The following NFIX variants were observed in gnomAD, a reference collection of about 807,000 sequenced individuals.
The protein encoded by NFIX is nuclear factor 1 X-type.
A neutral mutation model predicts 53.3 loss-of-function variants in NFIX; 2 were observed. The observed-to-expected ratio is 0.04, with a 90% CI of 0.02 to 0.12. NFIX has a LOEUF of 0.12. Ranked by LOEUF, NFIX falls within the 10% of genes least tolerant of loss-of-function variation. The probability of loss-of-function intolerance (pLI) is 1.00; values close to 1 mark genes in which losing one functional copy is unlikely to be tolerated. For missense variants in NFIX, 310 were observed against 674.5 expected, an observed-to-expected ratio of 0.46 and a Z score of 5.99; for synonymous variants, 244 against 289.0, an observed-to-expected ratio of 0.84 and a Z score of 1.58.
In NFIX at chr19:13,072,462, G is replaced by A. The variant is rs1474422634; in HGVS notation, c.560-585G>A. Among the ~76,000 whole-genome samples, 1 of 152,248 alleles carries A rather than the reference G, an allele frequency of 6.6e-6. No homozygotes were observed. Among genetic ancestry groups the A allele is most frequent in the Non-Finnish European group, 1.5e-5 (1 of 68,052 alleles). ...GCACTGCCTCTGAGCATAAAGGTGA[G>A]GTGGGGGAGGCGCAGGCAGACAGGA... is the stretch of plus-strand genomic sequence containing the variant. On this transcript the variant is annotated intron_variant, in intron 2 of 10. Coordinates refer to ENST00000592199, the MANE Select transcript of NFIX (RefSeq NM_001365902.3). The surrounding 1 kb of genome is among the most constrained non-coding windows in gnomAD (Gnocchi z 4.0).
chr19:13,001,746 C>A lies in NFIX; in HGVS notation c.27+5882C>A, dbSNP rs2011710253. Among the ~76,000 whole-genome samples, 2 of 152,200 alleles carry A rather than the reference C, an allele frequency of 1.3e-5. No individual in the cohort carries two copies. The highest frequency in any genetic ancestry group is 1.3e-4 in the Admixed American group (2 of 15,278). On this transcript the variant is annotated intron_variant, in intron 1 of 10. Transcript: ENST00000592199. The surrounding 1 kb of genome is among the most constrained non-coding windows in gnomAD (Gnocchi z 6.5). Reference sequence around the variant, plus strand: ...CGTGACAATCACTGTGGGTCTCACCCCACGGGCGCCTCTCCTGGGCATTCC... The same window carrying A: ...CGTGACAATCACTGTGGGTCTCACCACACGGGCGCCTCTCCTGGGCATTCC...
chr19:13,024,803 G>T, intron 1 of NFIX: 2 of 1,427,890 alleles, frequency 1.4e-6, no homozygotes, highest in Non-Finnish European at 1.9e-6. Flanking sequence ...GCTGAGATGG[G>T]AGCAAGTGGC....
At chr19:13,058,706 A>G (rs1481154943) in intron 2 of NFIX, among the ~76,000 whole-genome samples, 1 of 151,974 alleles carries the variant, frequency 6.6e-6, no homozygotes, top group Non-Finnish European at 1.5e-5. Flanking sequence ...AAAGCAAAAA[A>G]GAAACAGAAA....
rs560880859 is a variant in NFIX, at chr19:13,044,681, C to T, written c.559+19129C>T. Among the ~76,000 whole-genome samples the T allele has an allele frequency of 1.9e-4, 29 of 152,238 alleles. 1 individual carries two copies. In the South Asian group the frequency reaches 3.7e-3, roughly 20 times the overall value. ...CTTGTGAGAAGTGTCAGGCCTTTCC[C>T]GTTCGCTCAGCAGCTGAGCAGTTCC... On this transcript the variant is annotated intron_variant, in intron 2 of 10. Transcript: ENST00000592199.
Position 13,051,983 on chromosome 19 carries a change from G to A in NFIX, c.560-21064G>A, listed in dbSNP as rs2015358295. Among the ~76,000 whole-genome samples the A allele has an allele frequency of 6.6e-6, 1 of 152,110 alleles. No individual in the cohort carries two copies. Among genetic ancestry groups the A allele is most frequent in the South Asian group, 2.1e-4 (1 of 4,828 alleles). On this transcript the variant is annotated intron_variant, in intron 2 of 10. Transcript: ENST00000592199. This position sits in a 1 kb window ranked among gnomAD's most constrained non-coding sequence, Gnocchi z 5.1. ...TCCAGGTTTCTCCACTTCCTTTGCAGACCTCCCTCCTGCCGATTACCCACT... is the reference window on the plus strand; with the variant it reads ...TCCAGGTTTCTCCACTTCCTTTGCAAACCTCCCTCCTGCCGATTACCCACT...
intron 1 of NFIX, among the ~76,000 whole-genome samples, chr19:12,997,476 C>A (rs1265898851): frequency 6.6e-6 from 1 of 152,240 alleles, no homozygotes; most frequent in East Asian, 1.9e-4. Flanking sequence ...ACCCTGAGCA[C>A]CATGGCAGTG....
At chr19:13,007,798 C>T (rs1034111556) in intron 1 of NFIX, among the ~76,000 whole-genome samples, 1 of 152,012 alleles carries the variant, frequency 6.6e-6, no homozygotes, top group African/African-American at 2.4e-5. Context: ...GGCCTGGCCT[C>T]AACCCAAGGC....
At chr19:13,054,896 T>C (rs530489976) in intron 2 of NFIX, among the ~76,000 whole-genome samples, 66 of 152,284 alleles carry the variant, frequency 4.3e-4, no homozygotes, top group African/African-American at 1.6e-3. Flanking sequence ...ACAGTCCTAA[T>C]GAAGTCCTAG....
In NFIX at chr19:13,067,577, T is replaced by G. The variant is rs992599728; in HGVS notation, c.560-5470T>G. On this transcript the variant is annotated intron_variant, in intron 2 of 10. Transcript: ENST00000592199. The surrounding 1 kb of genome is among the most constrained non-coding windows in gnomAD (Gnocchi z 4.2). Reference sequence around the variant, plus strand: ...ATGCACATACCTGGGTATGCATATGTGGGTTCAGCTAAGGCCAAATCTGTG... The same window carrying G: ...ATGCACATACCTGGGTATGCATATGGGGGTTCAGCTAAGGCCAAATCTGTG... Among the ~76,000 whole-genome samples the G allele has an allele frequency of 1.3e-5, 2 of 152,134 alleles. No homozygotes were observed. Among genetic ancestry groups the G allele is most frequent in the Admixed American group, 6.5e-5 (1 of 15,268 alleles).
Position 13,078,826 on chromosome 19 carries a change from C to A in NFIX, c.1078+91C>A. 1 of 1,400,502 alleles carries A rather than the reference C, an allele frequency of 7.1e-7. No individual in the cohort carries two copies. Among genetic ancestry groups the A allele is most frequent in the South Asian group, 1.4e-5 (1 of 72,928 alleles). 86.8% of individuals were successfully genotyped at this position (1,400,502 alleles called of 1,614,324 possible). ...CCAGGTGAAGGGGCCAGAGCTGACC[C>A]CGAGTGACAGCCCCACGCTCTCCAA... On this transcript the variant is annotated intron_variant, in intron 7 of 10. Coordinates refer to ENST00000592199, the MANE Select transcript of NFIX (RefSeq NM_001365902.3). The surrounding 1 kb of genome is among the most constrained non-coding windows in gnomAD (Gnocchi z 4.7).
intron 2 of NFIX, chr19:13,071,071 G>A (rs1297969804): frequency 6.6e-6 from 1 of 152,412 alleles, no homozygotes; most frequent in Non-Finnish European, 1.5e-5. Context: ...TCCAGCTCTG[G>A]AGGGCTTGGT....
intron 1 of NFIX, among the ~76,000 whole-genome samples, chr19:13,010,020 C>T (rs1441638446): frequency 6.6e-6 from 1 of 152,186 alleles, no homozygotes; most frequent in Non-Finnish European, 1.5e-5. Context: ...AGGCAGGCCC[C>T]GCCTCCACCG....
Position 13,097,216 on chromosome 19 carries a change from G to T in NFIX, c.*2567G>T, listed in dbSNP as rs1460223615. 1 of 144,416 alleles carries T rather than the reference G, an allele frequency of 6.9e-6. No individual in the cohort carries two copies. The highest frequency in any genetic ancestry group is 2.0e-4 in the East Asian group (1 of 5,008). The allele number at this position is 144,416 out of a possible 1,614,324, so 8.9% of individuals were successfully genotyped here. On this transcript the variant is annotated 3_prime_UTR_variant, in exon 11 of 11. Transcript: ENST00000592199. Reference sequence around the variant, plus strand: ...TTTTTTTTTTAAGTCGTTTTCCTGCGTTGACGAGGATGATCTGGGGTTTTT... The same window carrying T: ...TTTTTTTTTTAAGTCGTTTTCCTGCTTTGACGAGGATGATCTGGGGTTTTT...
chr19:13,048,950 GCCT>G (rs2015157640), intron 2 of NFIX, among the ~76,000 whole-genome samples: 1 of 152,132 alleles, frequency 6.6e-6, no homozygotes, highest in Non-Finnish European at 1.5e-5. Context: ...TGGTGATGCA[GCCT>G]GTAATCCCAG....
At chr19:13,074,418 C>A (rs2016950261) in intron 5 of NFIX, among the ~76,000 whole-genome samples, 1 of 152,154 alleles carries the variant, frequency 6.6e-6, no homozygotes, top group African/African-American at 2.4e-5. Flanking sequence ...GGCGGGGCAC[C>A]CTGCAGAGGG....
chr19:13,094,905 A>C lies in NFIX; in HGVS notation c.*256A>C. The C allele has an allele frequency of 1.9e-6, 1 of 520,298 alleles. No individual in the cohort carries two copies. Among genetic ancestry groups the C allele is most frequent in the Non-Finnish European group, 3.5e-6 (1 of 288,426 alleles). 32.2% of individuals were successfully genotyped at this position (520,298 alleles called of 1,614,324 possible). A position where few individuals can be genotyped will look rare whatever the true frequency, so the allele number is the denominator to read the frequency against. ...CACCAGCAGCCAAGCAGAAAGAAAC[A>C]CGCGACATGGACTCTGTCAAGTAGA... On this transcript the variant is annotated 3_prime_UTR_variant, in exon 11 of 11. Transcript: ENST00000592199. This position sits in a 1 kb window ranked among gnomAD's most constrained non-coding sequence, Gnocchi z 4.3.
intron 2 of NFIX, among the ~76,000 whole-genome samples, chr19:13,029,230 G>A (rs1187571495): frequency 6.6e-6 from 1 of 152,104 alleles, no homozygotes; most frequent in Non-Finnish European, 1.5e-5. Flanking sequence ...AGGCATTATA[G>A]CTTTTCATCT....
At chr19:13,020,404 G>A (rs1013018631) in intron 1 of NFIX, among the ~76,000 whole-genome samples, 8 of 152,176 alleles carry the variant, frequency 5.3e-5, no homozygotes, top group African/African-American at 1.9e-4. Context: ...AGGGGAGGAA[G>A]GGAGGGAGGG....
chr19:13,028,282 C>T lies in NFIX; in HGVS notation c.559+2730C>T, dbSNP rs1368522710. On this transcript the variant is annotated intron_variant, in intron 2 of 10. Transcript: ENST00000592199. The surrounding 1 kb of genome is among the most constrained non-coding windows in gnomAD (Gnocchi z 4.2). ...ACTGGGGACAGGGGCCGGGATGGCA[C>T]AGGCTCAGACAAGAGCTGCTTTGGA... Among the ~76,000 whole-genome samples, 1 of 152,240 alleles carries T rather than the reference C, an allele frequency of 6.6e-6. No homozygotes were observed. Among genetic ancestry groups the T allele is most frequent in the East Asian group, 1.9e-4 (1 of 5,204 alleles).
Sources: allele counts gnomAD v4.1 joint callset (sites outside exome capture counted in the v4.1 genomes callset), GRCh38; gene constraint gnomAD v4.1.1; non-coding constraint Gnocchi (gnomAD v3.1); transcripts MANE v1.5; gene names NCBI Gene and HGNC (gene_info 2026-07-23, HGNC 2026-07-21).